LNX2: variants seen among roughly 807,000 people sequenced by gnomAD.
The protein encoded by LNX2 is ligand of numb-protein X 2.
Under a neutral mutation model 66.2 loss-of-function variants are expected in LNX2, and 35 were observed. The ratio of observed to expected loss-of-function variants is 0.53; its 90% CI spans 0.40 to 0.70. The LOEUF (loss-of-function observed/expected upper bound fraction) is 0.70, where lower values mean the gene tolerates loss of function less well. Among genes scored for constraint, LNX2 ranks in the 30% least tolerant of loss-of-function variants. The probability of loss-of-function intolerance (pLI) is 0.00; values close to 1 mark genes in which losing one functional copy is unlikely to be tolerated. For synonymous variants in LNX2, 337 were observed against 315.6 expected, an observed-to-expected ratio of 1.07 and a Z score of -0.72; for missense variants, 791 against 850.8, an observed-to-expected ratio of 0.93 and a Z score of 0.87.
chr13:27,550,308 C>T, intron 9 of LNX2, 25 bp downstream of exon 9: 1 of 1,600,426 alleles, frequency 6.2e-7, no homozygotes, highest in Non-Finnish European at 8.5e-7. Flanking sequence ...ACATGAATCA[C>T]ATCATTAATT....
intron 1 of LNX2, among the ~76,000 whole-genome samples, chr13:27,615,662 G>A (rs553056774): frequency 1.3e-5 from 2 of 152,234 alleles, no homozygotes; most frequent in South Asian, 2.1e-4. Flanking sequence ...GACACTTAGC[G>A]CTTTGCAGAT....
chr13:27,583,756 A>G (rs1955451437), intron 1 of LNX2, among the ~76,000 whole-genome samples: 2 of 152,194 alleles, frequency 1.3e-5, no homozygotes, highest in African/African-American at 4.8e-5. Context: ...AACGTTGAAC[A>G]TCGAGACAGA....
At chr13:27,595,219 C>A (rs1000996009) in intron 1 of LNX2, among the ~76,000 whole-genome samples, 1 of 152,160 alleles carries the variant, frequency 6.6e-6, no homozygotes, top group African/African-American at 2.4e-5. Flanking sequence ...GTGGTCAGCT[C>A]AAGTAAACAC....
chr13:27,591,500 A>G (rs1370456175), intron 1 of LNX2, among the ~76,000 whole-genome samples: 1 of 152,228 alleles, frequency 6.6e-6, no homozygotes, highest in East Asian at 1.9e-4. Context: ...CCTTTCTGAC[A>G]TCTCCACTAG....
chr13:27,576,336 A>G (rs1313323797), intron 2 of LNX2, among the ~76,000 whole-genome samples: 1 of 152,148 alleles, frequency 6.6e-6, no homozygotes, highest in Non-Finnish European at 1.5e-5. Flanking sequence ...CATATGGAGC[A>G]CTCCATCCAT....
chr13:27,587,866 A>G (rs1955505796), intron 1 of LNX2, among the ~76,000 whole-genome samples: 1 of 151,914 alleles, frequency 6.6e-6, no homozygotes, highest in Non-Finnish European at 1.5e-5. Flanking sequence ...CTAAAAATAC[A>G]AAAAATTAGC....
chr13:27,554,016 A>G (rs909628620), intron 7 of LNX2, among the ~76,000 whole-genome samples: 3 of 152,206 alleles, frequency 2.0e-5, no homozygotes, highest in Non-Finnish European at 2.9e-5. Context: ...TGCTCTGCTA[A>G]GTAATATAAT....
intron 1 of LNX2, among the ~76,000 whole-genome samples, chr13:27,603,334 CTAAT>C (rs1272521747): frequency 9.9e-5 from 15 of 152,168 alleles, no homozygotes; most frequent in African/African-American, 3.6e-4. Flanking sequence ...ACTACGTCCT[CTAAT>C]TAAGTTCTGG....
chr13:27,576,867 C>A (rs567058860), intron 2 of LNX2, among the ~76,000 whole-genome samples: 1 of 152,042 alleles, frequency 6.6e-6, no homozygotes, highest in Non-Finnish European at 1.5e-5. Context: ...TAGAAGAAAA[C>A]GTACATGTAA....
intron 1 of LNX2, among the ~76,000 whole-genome samples, chr13:27,606,868 A>T (rs150443866): frequency 6.6e-6 from 1 of 152,238 alleles, no homozygotes; most frequent in African/African-American, 2.4e-5. Context: ...ATTGGTTCTT[A>T]TATACATGAT....
At chr13:27,620,037 A>G (rs1955877393) in intron 1 of LNX2, among the ~76,000 whole-genome samples, 1 of 152,056 alleles carries the variant, frequency 6.6e-6, no homozygotes, top group African/African-American at 2.4e-5. Context: ...CCCTTCCCTT[A>G]AGAAGCAAAC....
At chr13:27,574,613 G>GGA (rs936409375) in intron 2 of LNX2, among the ~76,000 whole-genome samples, 2 of 151,700 alleles carry the variant, frequency 1.3e-5, no homozygotes, top group Non-Finnish European at 2.9e-5. Context: ...AGTTCCAAAA[G>GGA]GAGAGAGAGT....
intron 1 of LNX2, among the ~76,000 whole-genome samples, chr13:27,607,341 G>C (rs941408585): frequency 6.6e-6 from 1 of 152,112 alleles, no homozygotes; most frequent in Non-Finnish European, 1.5e-5. Context: ...ATGAGTCATG[G>C]GTCACACTCC....
chr13:27,551,737 G>A (rs1434425529), intron 8 of LNX2, among the ~76,000 whole-genome samples: 1 of 152,102 alleles, frequency 6.6e-6, no homozygotes, highest in Non-Finnish European at 1.5e-5. Flanking sequence ...CTAGCTCACT[G>A]ATAAGAAAGG....
chr13:27,604,956 A>G (rs1039164051), intron 1 of LNX2, among the ~76,000 whole-genome samples: 2 of 151,980 alleles, frequency 1.3e-5, no homozygotes, highest in Admixed American at 1.3e-4. Flanking sequence ...AAATGAATAC[A>G]CAGAACCATG....
intron 4 of LNX2, 25 bp downstream of exon 4, chr13:27,567,615 T>G (rs1398028002): frequency 1.2e-6 from 2 of 1,604,268 alleles, no homozygotes; most frequent in Non-Finnish European, 1.7e-6. Flanking sequence ...AAGGCACAAG[T>G]TAACAGAATA....
At chr13:27,585,263 T>C (rs1249866748) in intron 1 of LNX2, among the ~76,000 whole-genome samples, 2 of 151,550 alleles carry the variant, frequency 1.3e-5, no homozygotes, top group Non-Finnish European at 2.9e-5. Flanking sequence ...GTCTCTACTA[T>C]ATTTTTAAAT....
At chr13:27,611,072 G>A (rs1164713726) in intron 1 of LNX2, among the ~76,000 whole-genome samples, 3 of 152,172 alleles carry the variant, frequency 2.0e-5, no homozygotes, top group Admixed American at 6.5e-5. Flanking sequence ...CAAAAAGTTC[G>A]ACTACCATAT....
At chr13:27,550,095 C>A (rs1954987941) in intron 9 of LNX2, among the ~76,000 whole-genome samples, 2 of 152,220 alleles carry the variant, frequency 1.3e-5, no homozygotes, top group Middle Eastern at 3.4e-3. Flanking sequence ...CGTAAGGGGT[C>A]AGATGGTAAA....
Sources: gnomAD v4.1 joint callset for allele counts (sites outside exome capture counted in the v4.1 genomes callset) on GRCh38, gnomAD v4.1.1 for gene constraint, MANE v1.5 for transcripts, NCBI Gene and HGNC (gene_info 2026-07-23, HGNC 2026-07-21) for gene names.